The following AGAP2 variants were observed in gnomAD, a reference collection of about 807,000 sequenced individuals.
AGAP2 encodes the protein arf-GAP with GTPase, ANK repeat and PH domain-containing protein 2.
A neutral mutation model predicts 110.9 loss-of-function variants in AGAP2; 32 were observed. That is an observed-to-expected ratio of 0.29 (90% CI 0.22 to 0.39). The LOEUF (loss-of-function observed/expected upper bound fraction) is 0.39, where lower values mean the gene tolerates loss of function less well. Ranked by LOEUF, AGAP2 falls within the 10% of genes least tolerant of loss-of-function variation. AGAP2 has a pLI of 1.00. For missense variants in AGAP2, 1,285 were observed against 1,638.5 expected, an observed-to-expected ratio of 0.78 and a Z score of 3.72; for synonymous variants, 702 against 713.0, an observed-to-expected ratio of 0.98 and a Z score of 0.25.
chr12:57,734,220 C>G (rs764923875), intron 4 of AGAP2, 47 bp from the exon 5 acceptor site: 1 of 1,609,910 alleles, frequency 6.2e-7, no homozygotes, highest in East Asian at 2.2e-5. Flanking sequence ...AGGTCTACTC[C>G]TCTGGACCCA....
In AGAP2 at chr12:57,738,232, C is replaced by G; in HGVS notation, c.15G>C (p.Ala5=). The part of the protein sequence containing the change: MSRG[A]GALQRRTTTY... ...TCGTTGTCCGGCGCTGAAGCGCGCC[C>G]GCGCCCCGGCTCATGGGGCCCGGAG... Residue 5 remains alanine (A), a synonymous_variant, in exon 1 of 19, where the codon GCG becomes GCC. Coordinates refer to ENST00000547588, the MANE Select transcript of AGAP2 (RefSeq NM_001122772.3). The surrounding 1 kb of genome is among the most constrained non-coding windows in gnomAD (Gnocchi z 6.7). The G allele has an allele frequency of 6.6e-7, 1 of 1,516,328 alleles. No individual in the cohort carries two copies. Among genetic ancestry groups the G allele is most frequent in the Non-Finnish European group, 8.8e-7 (1 of 1,137,268 alleles). 93.9% of individuals were successfully genotyped at this position (1,516,328 alleles called of 1,614,324 possible).
intron 13 of AGAP2, among the ~76,000 whole-genome samples, chr12:57,729,376 C>T (rs903028174): frequency 1.3e-5 from 2 of 150,650 alleles, no homozygotes; most frequent in South Asian, 2.1e-4. Context: ...GGAACTAGAA[C>T]GTCATTAGGA....
rs1477039397 is a variant in AGAP2, at chr12:57,731,841, G to A, written c.1921C>T (p.Arg641Trp). ...AGLSTPGSLH[R>W]AAKRRTSLFA... ...AGGCTGGTCCTGCGCTTGGCTGCCCGGTGCAGGGACCCTGGGGTGCTCAAT... is the reference window on the plus strand; with the variant it reads ...AGGCTGGTCCTGCGCTTGGCTGCCCAGTGCAGGGACCCTGGGGTGCTCAAT... The change falls in exon 8 of 19, where the codon CGG (arginine) becomes TGG (tryptophan). Residue 641 changes from arginine (R) to tryptophan (W), a missense_variant. Arg to Trp is a moderately radical substitution (Grantham distance 101). Transcript: ENST00000547588. The A allele has an allele frequency of 1.9e-5, 31 of 1,593,026 alleles. No individual in the cohort carries two copies. The highest frequency in any genetic ancestry group is 2.3e-5 in the Non-Finnish European group (27 of 1,170,192).
At position 57,737,325 on chromosome 12, in the gene AGAP2, C is replaced by A; in HGVS notation, c.922G>T (p.Ala308Ser). 2 of 1,613,840 alleles carry A rather than the reference C, an allele frequency of 1.2e-6. No individual in the cohort carries two copies. Among genetic ancestry groups the A allele is most frequent in the Non-Finnish European group, 1.7e-6 (2 of 1,179,834 alleles). Residue 308 changes from alanine to serine, a missense_variant, in exon 1 of 19, where the codon GCT (alanine) becomes TCT (serine). Around this residue, in one of 7 missense-constraint regions of AGAP2, gnomAD observed 844 missense variants for 941.2 expected, o/e 0.90. Coordinates refer to ENST00000547588, the MANE Select transcript of AGAP2 (RefSeq NM_001122772.3). This position sits in a 1 kb window ranked among gnomAD's most constrained non-coding sequence, Gnocchi z 5.9. Reference sequence around the variant, plus strand: ...GCAGGCCCGGGGGGCTGCGCGGAAGCAGCGGTGACAGCAGTGGCTGGACTC... The same window carrying A: ...GCAGGCCCGGGGGGCTGCGCGGAAGAAGCGGTGACAGCAGTGGCTGGACTC... Reference protein sequence around the residue: ...TPSPATAVTAASAQPPGPAPP... With the variant: ...TPSPATAVTASSAQPPGPAPP...
At chr12:57,734,005 G>T in intron 5 of AGAP2, 21 bp downstream of exon 5, 1 of 1,546,284 alleles carries the variant, frequency 6.5e-7, no homozygotes, top group Non-Finnish European at 8.7e-7. Flanking sequence ...TGAAAGCAGT[G>T]CTTTCCTAAC....
Position 57,738,028 on chromosome 12 carries a change from C to T in AGAP2, c.219G>A (p.Gln73=). The change falls in exon 1 of 19, where the codon CAG becomes CAA. Residue 73 remains glutamine (Q), a synonymous_variant. Transcript: ENST00000547588. This position sits in a 1 kb window ranked among gnomAD's most constrained non-coding sequence, Gnocchi z 6.7. ...KKRHERLFHR[Q]DALWISTSSA... The stretch of plus-strand genomic sequence containing the variant: ...TGCTCGTGCTGATCCACAGCGCATC[C>T]TGCCGGTGGAAGAGACGTTCGTGCC... The T allele has an allele frequency of 1.3e-6, 2 of 1,518,366 alleles. No individual in the cohort carries two copies. The allele number at this position is 1,518,366 out of a possible 1,614,324, so 94.1% of individuals were successfully genotyped here.
chr12:57,726,827 T>C lies in AGAP2; in HGVS notation c.3337-33A>G. On this transcript the variant is annotated intron_variant, in intron 18 of 18. Transcript: ENST00000547588. This position sits in a 1 kb window ranked among gnomAD's most constrained non-coding sequence, Gnocchi z 5.7. ...GCGGAAACGGCCGCGTGACCGCGCG[T>C]CCCCAGGGCGCCCACACCCGGCGCC... 2 of 1,431,548 alleles carry C rather than the reference T, an allele frequency of 1.4e-6. No individual in the cohort carries two copies. Among genetic ancestry groups the C allele is most frequent in the Non-Finnish European group, 1.8e-6 (2 of 1,097,696 alleles). 88.7% of individuals were successfully genotyped at this position (1,431,548 alleles called of 1,614,324 possible). A position where few individuals can be genotyped will look rare whatever the true frequency, so the allele number is the denominator to read the frequency against.
Position 57,738,393 on chromosome 12 carries a change from C to A in AGAP2, c.-147G>T. On this transcript the variant is annotated 5_prime_UTR_variant, in exon 1 of 19. Coordinates refer to ENST00000547588, the MANE Select transcript of AGAP2 (RefSeq NM_001122772.3). The surrounding 1 kb of genome is among the most constrained non-coding windows in gnomAD (Gnocchi z 6.7). ...CCCGGCTCCGCTGTCGCCGCCGCCT[C>A]CGCCGCCTCCGCTTGCGCCCCCCTC... 1 of 1,056,348 alleles carries A rather than the reference C, an allele frequency of 9.5e-7. No homozygotes were observed. Among genetic ancestry groups the A allele is most frequent in the Non-Finnish European group, 1.2e-6 (1 of 836,356 alleles). 65.4% of individuals were successfully genotyped at this position (1,056,348 alleles called of 1,614,324 possible).
chr12:57,727,311 T>C, intron 17 of AGAP2, 49 bp downstream of exon 17: 2 of 1,607,266 alleles, frequency 1.2e-6, no homozygotes, highest in Non-Finnish European at 1.7e-6. Context: ...CCGTCTCAGG[T>C]TCGCACACCC....
chr12:57,742,068 G>A, upstream of AGAP2: 1 of 1,613,920 alleles, frequency 6.2e-7, no homozygotes, highest in Non-Finnish European at 8.5e-7. Flanking sequence ...CTCTGGGCAT[G>A]CATGTTGCCC....
At chr12:57,734,527 T>C (rs192432054) in intron 3 of AGAP2, 65 bp downstream of exon 3, 229 of 1,592,164 alleles carry the variant, frequency 1.4e-4, no homozygotes, top group Non-Finnish European at 1.9e-4. Flanking sequence ...ACCTGCCTAA[T>C]CATTGATCTC....
Position 57,737,197 on chromosome 12 carries a change from G to A in AGAP2, c.1050C>T (p.Gly350=), listed in dbSNP as rs1954999404. The change falls in exon 1 of 19, where the codon GGC becomes GGT. Residue 350 remains glycine (G), a synonymous_variant. Transcript: ENST00000547588. This position sits in a 1 kb window ranked among gnomAD's most constrained non-coding sequence, Gnocchi z 5.9. ...RDRKMLKFIS[G]IFTKSTGGPP... is the part of the protein sequence containing the mutation. ...GCCCTCCTGTGCTCTTGGTGAAGAT[G>A]CCGCTGATAAACTTGAGCATCTTGC... The A allele has an allele frequency of 1.5e-5, 24 of 1,598,744 alleles. No individual in the cohort carries two copies. Among genetic ancestry groups the A allele is most frequent in the Non-Finnish European group, 2.0e-5 (24 of 1,173,016 alleles).
At position 57,726,847 on chromosome 12, in the gene AGAP2, G is replaced by A. The variant is rs1207845697; in HGVS notation, c.3337-53C>T. ...GCGCGTCCCCAGGGCGCCCACACCC[G>A]GCGCCGCCTCCCCCACATGGCCAAG... On this transcript the variant is annotated intron_variant, in intron 18 of 18. Coordinates refer to ENST00000547588, the MANE Select transcript of AGAP2 (RefSeq NM_001122772.3). The surrounding 1 kb of genome is among the most constrained non-coding windows in gnomAD (Gnocchi z 5.7). 1.4e-6 allele frequency: 2 copies of A among 1,434,086 alleles called. No individual in the cohort carries two copies. Among genetic ancestry groups the A allele is most frequent in the Admixed American group, 2.9e-5 (1 of 34,702 alleles). 88.8% of individuals were successfully genotyped at this position (1,434,086 alleles called of 1,614,324 possible). A position where few individuals can be genotyped will look rare whatever the true frequency, so the allele number is the denominator to read the frequency against.
rs374959342 is a variant in AGAP2, at chr12:57,727,149, A to T, written c.3161T>A (p.Leu1054Gln). 22 of 1,605,470 alleles carry T rather than the reference A, an allele frequency of 1.4e-5. No homozygotes were observed. Among genetic ancestry groups the T allele is most frequent in the Non-Finnish European group, 1.8e-5 (21 of 1,177,190 alleles). ...CACGGCGGCCCACAGCTGGCGGCCC[A>T]GCGGCTCCTCCGAGGTGCTCAGCGG... ...LAPLSTSEEP[L>Q]GRQLWAAVQA... Residue 1054 changes from leucine to glutamine, a missense_variant, in exon 18 of 19, where the codon CTG (leucine) becomes CAG (glutamine). Transcript: ENST00000547588.
upstream of AGAP2, among the ~76,000 whole-genome samples, chr12:57,741,670 CAAG>C (rs1955078083): frequency 6.6e-6 from 1 of 152,146 alleles, no homozygotes; most frequent in African/African-American, 2.4e-5. Context: ...TCTTCATTGC[CAAG>C]AAGGTCAGCT....
chr12:57,742,120 G>A (rs755404194), upstream of AGAP2: 1 of 1,591,142 alleles, frequency 6.3e-7, no homozygotes, highest in East Asian at 2.2e-5. Flanking sequence ...TGGCCCTGAG[G>A]CCCATGGCCC....
intron 7 of AGAP2, 89 bp from the exon 8 acceptor site, chr12:57,732,056 T>C (rs1474634842): frequency 2.8e-6 from 4 of 1,410,370 alleles, no homozygotes; most frequent in Non-Finnish European, 3.8e-6. Flanking sequence ...ATTTGAGACA[T>C]TCCTTGATCA....
rs754056975 is a variant in AGAP2, at chr12:57,727,199, C to T, written c.3111G>A (p.Lys1037=). 4 of 1,611,716 alleles carry T rather than the reference C, an allele frequency of 2.5e-6. No homozygotes were observed. The highest frequency in any genetic ancestry group is 1.7e-5 in the Admixed American group (1 of 59,900). ...REERESWIRA[K]YEQLLFLAPL... Reference sequence around the variant, plus strand: ...GCGCCAGGAACAGTAGCTGCTCGTACTTGGCGCGAATCCACGACTCGCGCT... The same window carrying T: ...GCGCCAGGAACAGTAGCTGCTCGTATTTGGCGCGAATCCACGACTCGCGCT... The change falls in exon 18 of 19, where the codon AAG becomes AAA. Residue 1037 remains lysine, a synonymous_variant. Transcript: ENST00000547588.
rs1466129618 is a variant in AGAP2, at chr12:57,727,139, C to T, written c.3171G>A (p.Gln1057=). The change falls in exon 18 of 19, where the codon CAG becomes CAA. Residue 1057 remains glutamine (Q), a synonymous_variant. Transcript: ENST00000547588. ...LSTSEEPLGR[Q]LWAAVQAQDV... The stretch of plus-strand genomic sequence containing the variant: ...CCTGGGCCTGCACGGCGGCCCACAG[C>T]TGGCGGCCCAGCGGCTCCTCCGAGG... 6.2e-7 allele frequency: 1 copy of T among 1,603,028 alleles called. No homozygotes were observed.
Sources: allele counts gnomAD v4.1 joint callset (sites outside exome capture counted in the v4.1 genomes callset), GRCh38; gene constraint gnomAD v4.1.1; regional missense constraint gnomAD v4.1.1; non-coding constraint Gnocchi (gnomAD v3.1); transcripts MANE v1.5; gene names NCBI Gene and HGNC (gene_info 2026-07-23, HGNC 2026-07-21).